Variants in MEGF8 observed in about 807,000 individuals in gnomAD.
MEGF8 encodes the protein multiple epidermal growth factor-like domains protein 8.
MEGF8 carries 156 observed loss-of-function variants against 302.9 expected under a neutral mutation model. That is an observed-to-expected ratio of 0.52 (90% CI 0.45 to 0.59). MEGF8 has a LOEUF of 0.59. MEGF8 is among the 20% of genes least tolerant of loss of function. MEGF8 has a pLI of 0.00. For missense variants in MEGF8, 3,345 were observed against 3,964.5 expected, an observed-to-expected ratio of 0.84 and a Z score of 4.20; for synonymous variants, 1,621 against 1,660.5, an observed-to-expected ratio of 0.98 and a Z score of 0.58.
intron 8 of MEGF8, among the ~76,000 whole-genome samples, chr19:42,343,255 C>T (rs1353304490): frequency 6.6e-6 from 1 of 152,164 alleles, no homozygotes; most frequent in Non-Finnish European, 1.5e-5. Flanking sequence ...GGATTTGAAC[C>T]CAAGTCTTTC....
At chr19:42,350,587 G>A (rs1212384241) in intron 15 of MEGF8, among the ~76,000 whole-genome samples, 1 of 152,182 alleles carries the variant, frequency 6.6e-6, no homozygotes, top group African/African-American at 2.4e-5. Flanking sequence ...GTAGGGGCCA[G>A]AGAATGCAAC....
chr19:42,347,847 T>G (rs937183148), intron 12 of MEGF8, among the ~76,000 whole-genome samples: 3 of 152,178 alleles, frequency 2.0e-5, no homozygotes, highest in African/African-American at 7.2e-5. Context: ...AGCCTCCCAC[T>G]GGTGAACACT....
At chr19:42,341,909 G>A (rs2039220404) in intron 8 of MEGF8, among the ~76,000 whole-genome samples, 1 of 152,158 alleles carries the variant, frequency 6.6e-6, no homozygotes, top group Admixed American at 6.5e-5. Flanking sequence ...CCTGCAAGTT[G>A]GGCGTATCAC....
chr19:42,368,456 G>C lies in MEGF8; in HGVS notation c.6275G>C (p.Cys2092Ser). The C allele has an allele frequency of 1.9e-6, 3 of 1,604,484 alleles. No homozygotes were observed. Among genetic ancestry groups the C allele is most frequent in the Non-Finnish European group, 2.6e-6 (3 of 1,176,098 alleles). Reference protein sequence around the residue: ...HCVWSSSLQQCLSPSYLPLRC... With the variant: ...HCVWSSSLQQSLSPSYLPLRC... ...CCCCATCCCCTCCCCCCCATACAGT[G>C]TCTGAGCCCTTCCTACCTGCCCCTG... The change falls in exon 36 of 42, where the codon TGT (cysteine) becomes TCT (serine). Residue 2092 changes from cysteine (C) to serine (S), a missense_variant and splice_region_variant. Cys to Ser is a moderately radical substitution (Grantham distance 112). Transcript: ENST00000251268. The surrounding 1 kb of genome is among the most constrained non-coding windows in gnomAD (Gnocchi z 4.9).
chr19:42,357,546 CCTGGGTG>C lies in MEGF8; in HGVS notation c.4974_4980del (p.Trp1659GlnfsTer69). ...CTGGAGTACCAGCTGGCAACCGGCA[CCTGGGTG>C]TCAGGAGCCCAGAGTGGGACACCCC... On this transcript the variant is annotated frameshift_variant, in exon 28 of 42. Transcript: ENST00000251268. LOFTEE classifies it high-confidence loss of function. This position sits in a 1 kb window ranked among gnomAD's most constrained non-coding sequence, Gnocchi z 5.2. 1 of 1,612,888 alleles carries C rather than the reference CCTGGGTG, an allele frequency of 6.2e-7. No homozygotes were observed. Among genetic ancestry groups the C allele is most frequent in the African/African-American group, 1.3e-5 (1 of 75,010 alleles).
At chr19:42,373,218 G>A (rs1431440066) in intron 41 of MEGF8, among the ~76,000 whole-genome samples, 3 of 150,384 alleles carry the variant, frequency 2.0e-5, no homozygotes, top group Non-Finnish European at 4.4e-5. Context: ...TCAGCCCCCC[G>A]AGTAGCTGGG....
chr19:42,354,640 T>C lies in MEGF8; in HGVS notation c.4064T>C (p.Val1355Ala). ...DGFPRFLDTGVVQSDRSLIAA... is the reference protein window; with the variant it reads ...DGFPRFLDTGAVQSDRSLIAA... ...TTCCCACGCTTCCTGGACACTGGTGTTGTCCAGTCGGACCGCAGCCTCATA... is the reference window on the plus strand; with the variant it reads ...TTCCCACGCTTCCTGGACACTGGTGCTGTCCAGTCGGACCGCAGCCTCATA... The change falls in exon 23 of 42, where the codon GTT becomes GCT. Residue 1355 changes from valine to alanine, a missense_variant. Transcript: ENST00000251268. This position sits in a 1 kb window ranked among gnomAD's most constrained non-coding sequence, Gnocchi z 4.3. 1 of 1,612,956 alleles carries C rather than the reference T, an allele frequency of 6.2e-7. No individual in the cohort carries two copies. Among genetic ancestry groups the C allele is most frequent in the Non-Finnish European group, 8.5e-7 (1 of 1,179,772 alleles).
chr19:42,354,463 G>C lies in MEGF8; in HGVS notation c.4012-125G>C, dbSNP rs1406985227. 9.0e-7 allele frequency: 1 copy of C among 1,112,364 alleles called. No individual in the cohort carries two copies. Among genetic ancestry groups the C allele is most frequent in the African/African-American group, 1.6e-5 (1 of 64,378 alleles). 68.9% of individuals were successfully genotyped at this position (1,112,364 alleles called of 1,614,324 possible). A position where few individuals can be genotyped will look rare whatever the true frequency, so the allele number is the denominator to read the frequency against. ...TGCCATAGTTTGACAGTCTCCCCTGGATGTTCAAACAGCCCATTTCCCAGT... is the reference window on the plus strand; with the variant it reads ...TGCCATAGTTTGACAGTCTCCCCTGCATGTTCAAACAGCCCATTTCCCAGT... On this transcript the variant is annotated intron_variant, in intron 22 of 41. Transcript: ENST00000251268. This position sits in a 1 kb window ranked among gnomAD's most constrained non-coding sequence, Gnocchi z 4.3.
chr19:42,332,175 G>T (rs569206639), intron 1 of MEGF8, among the ~76,000 whole-genome samples: 3 of 152,098 alleles, frequency 2.0e-5, no homozygotes, highest in Non-Finnish European at 2.9e-5. Flanking sequence ...ACCATTTCGT[G>T]TGCATTATTG....
At position 42,370,710 on chromosome 19, in the gene MEGF8, T is replaced by C. The variant is rs1165960887; in HGVS notation, c.7015T>C (p.Trp2339Arg). The change falls in exon 40 of 42, where the codon TGG (tryptophan) becomes CGG (arginine). Residue 2339 changes from tryptophan to arginine, a missense_variant. Transcript: ENST00000251268. ...YSLDPEEIEN[W>R]VTEGPSEDEA... ...GTCCTTCCTTGGCCAGATTGAAAAC[T>C]GGGTGACAGAGGGTCCTAGTGAAGA... 6.3e-7 allele frequency: 1 copy of C among 1,593,552 alleles called. No homozygotes were observed. The highest frequency in any genetic ancestry group is 1.1e-5 in the South Asian group (1 of 87,436).
At chr19:42,329,234 C>A (rs1452558694) in intron 1 of MEGF8, among the ~76,000 whole-genome samples, 2 of 152,082 alleles carry the variant, frequency 1.3e-5, no homozygotes, top group African/African-American at 4.8e-5. Flanking sequence ...CCTGGCCTTC[C>A]CCTTGGGGTT....
chr19:42,354,249 C>G lies in MEGF8; in HGVS notation c.4011+225C>G, dbSNP rs937290696. 6.6e-6 allele frequency among the ~76,000 whole-genome samples: 1 copy of G among 152,030 alleles called. No homozygotes were observed. The highest frequency in any genetic ancestry group is 1.5e-5 in the Non-Finnish European group (1 of 68,004). ...CTTCCTATTTCCTCAGCTCCCATCTCCAATTCTCCAGATTCTCAATCTCCC... is the reference window on the plus strand; with the variant it reads ...CTTCCTATTTCCTCAGCTCCCATCTGCAATTCTCCAGATTCTCAATCTCCC... On this transcript the variant is annotated intron_variant, in intron 22 of 41. Transcript: ENST00000251268. This position sits in a 1 kb window ranked among gnomAD's most constrained non-coding sequence, Gnocchi z 4.3.
rs1325811072 is a variant in MEGF8, at chr19:42,356,261, G to A, written c.4503+68G>A. The A allele has an allele frequency of 3.3e-6, 5 of 1,531,524 alleles. No individual in the cohort carries two copies. 94.9% of individuals were successfully genotyped at this position (1,531,524 alleles called of 1,614,324 possible). A position where few individuals can be genotyped will look rare whatever the true frequency, so the allele number is the denominator to read the frequency against. ...GTCGTTCTCCCACCTCCATTCCTGG[G>A]ACCACCCCTACACCCAGGCCTGGCA... On this transcript the variant is annotated intron_variant, in intron 25 of 41. Coordinates refer to ENST00000251268, the MANE Select transcript of MEGF8 (RefSeq NM_001271938.2). The surrounding 1 kb of genome is among the most constrained non-coding windows in gnomAD (Gnocchi z 5.2).
chr19:42,327,256 T>G (rs2038996793), intron 1 of MEGF8, among the ~76,000 whole-genome samples: 1 of 152,256 alleles, frequency 6.6e-6, no homozygotes, highest in Admixed American at 6.5e-5. Flanking sequence ...GTGCCAGACA[T>G]TATGTTTCCC....
In MEGF8 at chr19:42,369,473, G is replaced by C; in HGVS notation, c.6642-58G>C. ...GGGTGGGGTAGTTGGTTGGGTGCTA[G>C]GCCATGAAGCCACGAGGAGGGTGGC... On this transcript the variant is annotated intron_variant, in intron 37 of 41. Transcript: ENST00000251268. This position sits in a 1 kb window ranked among gnomAD's most constrained non-coding sequence, Gnocchi z 5.7. 6.5e-7 allele frequency: 1 copy of C among 1,548,622 alleles called. No individual in the cohort carries two copies. Among genetic ancestry groups the C allele is most frequent in the Non-Finnish European group, 8.7e-7 (1 of 1,145,668 alleles).
chr19:42,348,613 T>G, intron 13 of MEGF8, 141 bp downstream of exon 13: 1 of 834,820 alleles, frequency 1.2e-6, no homozygotes, highest in East Asian at 2.7e-5. Context: ...TTTTTGTGTG[T>G]GTGTAAGACA....
rs764773192 is a variant in MEGF8 at position 42,336,940 on chromosome 19, A to G, written c.1378A>G (p.Met460Val). The change falls in exon 7 of 42, where the codon ATG becomes GTG. Residue 460 changes from methionine to valine, a missense_variant. Transcript: ENST00000251268. This position sits in a 1 kb window ranked among gnomAD's most constrained non-coding sequence, Gnocchi z 4.8. ...FHTASVLGNY[M>V]VVYGGNVHTH... ...CACAGCCAGTGTTCTGGGCAATTAC[A>G]TGGTGGTCTATGGTGAGGAGGCTCC... 3 of 1,613,784 alleles carry G rather than the reference A, an allele frequency of 1.9e-6. No homozygotes were observed. The highest frequency in any genetic ancestry group is 1.7e-4 in the Middle Eastern group (1 of 6,058).
chr19:42,343,039 G>C (rs1167981086), intron 8 of MEGF8, among the ~76,000 whole-genome samples: 1 of 152,144 alleles, frequency 6.6e-6, no homozygotes, highest in East Asian at 1.9e-4. Context: ...AGAGAGGCTG[G>C]TGCTAGACAG....
intron 5 of MEGF8, 54 bp downstream of exon 5, chr19:42,335,439 C>A: frequency 2.6e-6 from 4 of 1,544,812 alleles, no homozygotes; most frequent in South Asian, 2.3e-5. Context: ...CAGACCCAGC[C>A]GGGGACCCCC....
Sources: gnomAD v4.1 joint callset for allele counts (sites outside exome capture counted in the v4.1 genomes callset) on GRCh38, gnomAD v4.1.1 for gene constraint, Gnocchi (gnomAD v3.1) non-coding constraint, MANE v1.5 for transcripts, NCBI Gene and HGNC (gene_info 2026-07-23, HGNC 2026-07-21) for gene names.